Variants in TICAM1 observed in about 807,000 individuals in gnomAD.
TICAM1 encodes TIR domain containing adaptor molecule 1, also known as TIR domain-containing adapter molecule 1.
For synonymous variants in TICAM1, 439 were observed against 415.4 expected (o/e 1.06, Z -0.69); for missense variants, 895 against 938.2 (o/e 0.95, Z 0.60).
intron 1 of TICAM1, among the ~76,000 whole-genome samples, chr19:4,826,981 A>C (rs926057469): frequency 3.3e-5 from 5 of 151,010 alleles, no homozygotes; most frequent in Non-Finnish European, 5.9e-5. Context: ...GGAGGATAAA[A>C]GGTTTTTCCT....
chr19:4,824,481 C>T (rs550297430), intron 1 of TICAM1, among the ~76,000 whole-genome samples: 33 of 151,730 alleles, frequency 2.2e-4, no homozygotes, highest in African/African-American at 4.6e-4. Context: ...ATTACAGGTT[C>T]GCACCACTAT....
At chr19:4,820,067 C>T (rs887615979) in intron 1 of TICAM1, among the ~76,000 whole-genome samples, 7 of 152,078 alleles carry the variant, frequency 4.6e-5, no homozygotes, top group Non-Finnish European at 8.8e-5. Flanking sequence ...TTTAGAAATC[C>T]GCTCATTCTT....
chr19:4,821,272 A>C (rs530881539), intron 1 of TICAM1, among the ~76,000 whole-genome samples: 1 of 152,240 alleles, frequency 6.6e-6, no homozygotes, highest in African/African-American at 2.4e-5. Flanking sequence ...GCAGACAAGG[A>C]AAAACAGCAA....
At chr19:4,826,426 G>A (rs2093605525) in intron 1 of TICAM1, among the ~76,000 whole-genome samples, 1 of 152,038 alleles carries the variant, frequency 6.6e-6, no homozygotes. Flanking sequence ...CCAGGTTCAA[G>A]CGATTCTCTT....
rs1357331436 is a variant in TICAM1, at chr19:4,816,753, T to A, written c.1625A>T (p.Lys542Met). 6.2e-7 allele frequency: 1 copy of A among 1,613,628 alleles called. No homozygotes were observed. Among genetic ancestry groups the A allele is most frequent in the Non-Finnish European group, 8.5e-7 (1 of 1,180,016 alleles). Residue 542 changes from lysine (K) to methionine (M), a missense_variant, in exon 2 of 2, where the codon AAG becomes ATG. Lys to Met is a moderately conservative substitution (Grantham distance 95). Transcript: ENST00000248244. This position sits in a 1 kb window ranked among gnomAD's most constrained non-coding sequence, Gnocchi z 4.3. The part of the protein sequence containing the change: ...RLQARKAMWR[K>M]EQDTRALREQ... ...CCGCAGGGCTCGGGTGTCCTGTTCCTTCCTCCACATGGCCTTTCGGGCCTG... is the reference window on the plus strand; with the variant it reads ...CCGCAGGGCTCGGGTGTCCTGTTCCATCCTCCACATGGCCTTTCGGGCCTG...
At chr19:4,826,267 C>T (rs1357528835) in intron 1 of TICAM1, among the ~76,000 whole-genome samples, 2 of 150,966 alleles carry the variant, frequency 1.3e-5, no homozygotes, top group East Asian at 3.9e-4. Context: ...TTATTAAATG[C>T]ATTTACATAT....
chr19:4,818,009 G>A lies in TICAM1; in HGVS notation c.369C>T (p.Arg123=). ...GGTGGTCGTCCCTGGAGCTGAGGGTGCGGACGGCTTCCTGGTAGGCCACGT... is the reference window on the plus strand; with the variant it reads ...GGTGGTCGTCCCTGGAGCTGAGGGTACGGACGGCTTCCTGGTAGGCCACGT... ...LRDVAYQEAV[R]TLSSRDDHRL... The change falls in exon 2 of 2, where the codon CGC becomes CGT. Residue 123 remains arginine (R), a synonymous_variant. Coordinates refer to ENST00000248244, the MANE Select transcript of TICAM1 (RefSeq NM_182919.4). The surrounding 1 kb of genome is among the most constrained non-coding windows in gnomAD (Gnocchi z 4.0). 6.2e-7 allele frequency: 1 copy of A among 1,612,076 alleles called. No homozygotes were observed. Among genetic ancestry groups the A allele is most frequent in the Non-Finnish European group, 8.5e-7 (1 of 1,179,950 alleles).
At chr19:4,824,383 G>A (rs1255184966) in intron 1 of TICAM1, among the ~76,000 whole-genome samples, 6 of 140,892 alleles carry the variant, frequency 4.3e-5, no homozygotes, top group East Asian at 2.1e-4. Context: ...CATCCAGGCC[G>A]GAGTGCAGTG....
rs867468409 is a variant in TICAM1, at chr19:4,817,333, A to T, written c.1045T>A (p.Cys349Ser). Reference sequence around the variant, plus strand: ...TCTGGGGTGGTGGGAGTAGGTGGGCACGGCTTGGTATTTGGAGAGGTGGTA... The same window carrying T: ...TCTGGGGTGGTGGGAGTAGGTGGGCTCGGCTTGGTATTTGGAGAGGTGGTA... The part of the protein sequence containing the change: ...EDTTSPNTKP[C>S]PPTPTTPETS... Residue 349 changes from cysteine (C) to serine (S), a missense_variant, in exon 2 of 2, where the codon TGC becomes AGC. Cys to Ser is a moderately radical substitution (Grantham distance 112). Coordinates refer to ENST00000248244, the MANE Select transcript of TICAM1 (RefSeq NM_182919.4). This position sits in a 1 kb window ranked among gnomAD's most constrained non-coding sequence, Gnocchi z 4.7. The T allele has an allele frequency of 6.2e-7, 1 of 1,613,426 alleles. No individual in the cohort carries two copies. The highest frequency in any genetic ancestry group is 8.5e-7 in the Non-Finnish European group (1 of 1,179,970).
At chr19:4,831,470 G>T (rs2093613566) in intron 1 of TICAM1, 144 bp downstream of exon 1, 1 of 152,070 alleles carries the variant, frequency 6.6e-6, no homozygotes, top group Non-Finnish European at 1.5e-5. Context: ...AACGCGCGGC[G>T]CCAGGCCCCC....
At chr19:4,826,119 G>A (rs959344271) in intron 1 of TICAM1, among the ~76,000 whole-genome samples, 3 of 149,316 alleles carry the variant, frequency 2.0e-5, no homozygotes, top group Non-Finnish European at 3.0e-5. Flanking sequence ...CGGAGATCGC[G>A]CCACTGCACT....
intron 1 of TICAM1, among the ~76,000 whole-genome samples, chr19:4,826,977 T>C (rs2093606274): frequency 6.6e-6 from 1 of 151,270 alleles, no homozygotes; most frequent in African/African-American, 2.4e-5. Flanking sequence ...AAGTGGAGGA[T>C]AAAAGGTTTT....
Position 4,817,059 on chromosome 19 carries a change from C to T in TICAM1, c.1319G>A (p.Ser440Asn), listed in dbSNP as rs1456485558. Residue 440 changes from serine to asparagine, a missense_variant, in exon 2 of 2, where the codon AGC (serine) becomes AAC (asparagine). Transcript: ENST00000248244. This position sits in a 1 kb window ranked among gnomAD's most constrained non-coding sequence, Gnocchi z 4.7. ...GTGGTCTATGGCGTCCTGCAGGCAG[C>T]TCAGCTCCCCGCGCCCCGGCACCTG... ...DFQVPGRGELSCLQDAIDHSA... is the reference protein window; with the variant it reads ...DFQVPGRGELNCLQDAIDHSA... The T allele has an allele frequency of 1.9e-6, 3 of 1,614,054 alleles. No homozygotes were observed. The highest frequency in any genetic ancestry group is 2.5e-6 in the Non-Finnish European group (3 of 1,180,044).
In TICAM1 at chr19:4,817,462, C is replaced by G. The variant is rs766504909; in HGVS notation, c.916G>C (p.Glu306Gln). The change falls in exon 2 of 2, where the codon GAG (glutamate) becomes CAG (glutamine). Residue 306 changes from glutamate to glutamine, a missense_variant. By Grantham distance (29) the Glu-to-Gln change is conservative. Coordinates refer to ENST00000248244, the MANE Select transcript of TICAM1 (RefSeq NM_182919.4). The surrounding 1 kb of genome is among the most constrained non-coding windows in gnomAD (Gnocchi z 4.7). The part of the protein sequence containing the change: ...TSTNYPVECT[E>Q]GSAGPQSLPL... ...AGAGACTGGGGGCCTGCAGACCCCT[C>G]GGTGCACTCCACTGGGTAGTTGGTG... The G allele has an allele frequency of 2.5e-6, 4 of 1,614,052 alleles. No homozygotes were observed. Among genetic ancestry groups the G allele is most frequent in the South Asian group, 2.2e-5 (2 of 91,076 alleles).
In TICAM1 at chr19:4,817,141, G is replaced by T; in HGVS notation, c.1237C>A (p.Arg413=). Residue 413 remains arginine (R), a synonymous_variant, in exon 2 of 2, where the codon CGG becomes AGG. Coordinates refer to ENST00000248244, the MANE Select transcript of TICAM1 (RefSeq NM_182919.4). The surrounding 1 kb of genome is among the most constrained non-coding windows in gnomAD (Gnocchi z 4.7). ...RADEHIALRV[R]EKLEALGVPD... is the part of the protein sequence containing the mutation. The stretch of plus-strand genomic sequence containing the variant: ...ACGCCAAGGGCCTCCAGCTTCTCCC[G>T]AACCCGCAGGGCGATGTGTTCGTCT... 1 of 1,614,216 alleles carries T rather than the reference G, an allele frequency of 6.2e-7. No homozygotes were observed. The highest frequency in any genetic ancestry group is 8.5e-7 in the Non-Finnish European group (1 of 1,180,034).
chr19:4,822,417 A>G (rs2093599237), intron 1 of TICAM1, among the ~76,000 whole-genome samples: 2 of 150,942 alleles, frequency 1.3e-5, no homozygotes, highest in South Asian at 4.2e-4. Flanking sequence ...TAATTTTTGT[A>G]CTTTTTATAG....
rs756058204 is a variant in TICAM1, at chr19:4,816,860, C to T, written c.1518G>A (p.Leu506=). Residue 506 remains leucine (L), a synonymous_variant, in exon 2 of 2, where the codon CTG becomes CTA. Coordinates refer to ENST00000248244, the MANE Select transcript of TICAM1 (RefSeq NM_182919.4). The surrounding 1 kb of genome is among the most constrained non-coding windows in gnomAD (Gnocchi z 4.3). ...CGTCCAGCCGCACCAGCCCGGAGAG[C>T]AGGCTGGCCGTGTCGGAGCTGAGCT... ...PAQLSSDTAS[L]LSGLVRLDEH... 7 of 1,612,512 alleles carry T rather than the reference C, an allele frequency of 4.3e-6. No homozygotes were observed. Among genetic ancestry groups the T allele is most frequent in the Non-Finnish European group, 5.9e-6 (7 of 1,180,038 alleles).
chr19:4,823,230 C>T (rs1377408704), intron 1 of TICAM1, among the ~76,000 whole-genome samples: 3 of 151,776 alleles, frequency 2.0e-5, no homozygotes, highest in African/African-American at 7.3e-5. Flanking sequence ...TTTGGGAGGC[C>T]GAGGTGGGCA....
chr19:4,820,136 T>G (rs900476337), intron 1 of TICAM1, among the ~76,000 whole-genome samples: 2 of 151,790 alleles, frequency 1.3e-5, no homozygotes, highest in African/African-American at 2.4e-5. Flanking sequence ...AAAAAAAAGT[T>G]TGGGCCAGGC....
Sources: allele counts gnomAD v4.1 joint callset (sites outside exome capture counted in the v4.1 genomes callset), GRCh38; gene constraint gnomAD v4.1.1; non-coding constraint Gnocchi (gnomAD v3.1); transcripts MANE v1.5; gene names NCBI Gene and HGNC (gene_info 2026-07-23, HGNC 2026-07-21).